The following RPS6KC1 variants were observed in gnomAD, a reference collection of about 807,000 sequenced individuals.
The protein encoded by RPS6KC1 is inactive ribosomal protein S6 kinase delta-1.
In RPS6KC1, 54 loss-of-function variants were observed where a neutral mutation model predicts 103.8. The ratio of observed to expected loss-of-function variants is 0.52; its 90% confidence interval spans 0.42 to 0.65. The LOEUF (loss-of-function observed/expected upper bound fraction) is 0.65. Ranked by LOEUF, RPS6KC1 falls within the 30% of genes least tolerant of loss-of-function variation. The probability of loss-of-function intolerance (pLI) is 0.00; values close to 1 mark genes in which losing one functional copy is unlikely to be tolerated. For missense variants in RPS6KC1, 1,151 were observed against 1,253.8 expected (o/e 0.92, Z 1.24); for synonymous variants, 439 against 438.7 (o/e 1.00, Z -0.01).
the RPS6KC1 span, among the ~76,000 whole-genome samples, chr1:213,760,935 G>A: frequency 8.1e-6 from 1 of 122,938 alleles, no homozygotes; most frequent in Admixed American, 8.8e-5. Flanking sequence ...CGCATTTGGG[G>A]GGAAAATGAA....
intron 5 of RPS6KC1, among the ~76,000 whole-genome samples, chr1:213,121,854 T>C (rs548717538): frequency 6.6e-6 from 1 of 152,174 alleles, no homozygotes; most frequent in African/African-American, 2.4e-5. Context: ...AATGATCAGC[T>C]TATTGTATGT....
At chr1:213,355,118 TGAGGCAGGA>T in the RPS6KC1 span, among the ~76,000 whole-genome samples, 55 of 152,056 alleles carry the variant, frequency 3.6e-4, 1 homozygote, top group Admixed American at 3.3e-3. Context: ...CTCAGGAGGC[TGAGGCAGGA>T]GAATCACTTG....
intron 8 of RPS6KC1, among the ~76,000 whole-genome samples, chr1:213,180,773 A>G (rs1014425925): frequency 3.3e-5 from 5 of 152,036 alleles, no homozygotes; most frequent in Non-Finnish European, 5.9e-5. Flanking sequence ...GTACGAATAT[A>G]CGGGATGTGC....
At position 213,088,409 on chromosome 1, in the gene RPS6KC1, G is replaced by A. The variant is rs1050620978; in HGVS notation, c.262+10593G>A. On this transcript the variant is annotated intron_variant, in intron 3 of 14. Coordinates refer to ENST00000366960, the MANE Select transcript of RPS6KC1 (RefSeq NM_012424.6). Reference sequence around the variant, plus strand: ...GATGGAGTCTTGCTCTGTTGCCCAGGCTGGAGTGCAGTGGTGTGATCATGG... The same window carrying A: ...GATGGAGTCTTGCTCTGTTGCCCAGACTGGAGTGCAGTGGTGTGATCATGG... 5.3e-5 allele frequency among the ~76,000 whole-genome samples: 8 copies of A among 151,976 alleles called. No individual in the cohort carries two copies. In the East Asian group the frequency reaches 1.5e-3, roughly 29 times the overall value.
At chr1:213,468,548 AATAGAG>A in the RPS6KC1 span, among the ~76,000 whole-genome samples, 3 of 152,166 alleles carry the variant, frequency 2.0e-5, no homozygotes, top group African/African-American at 7.2e-5. Context: ...GGTTTCCTGA[AATAGAG>A]AGAGAGACTT....
chr1:213,411,227 G>A, the RPS6KC1 span, among the ~76,000 whole-genome samples: 4 of 152,160 alleles, frequency 2.6e-5, no homozygotes, highest in African/African-American at 9.7e-5. Context: ...GATTTTAGAG[G>A]CTGAGGAAAG....
chr1:213,329,967 A>G, the RPS6KC1 span, among the ~76,000 whole-genome samples: 2 of 152,206 alleles, frequency 1.3e-5, no homozygotes, highest in African/African-American at 4.8e-5. Flanking sequence ...AGAAGGGTTC[A>G]AGAGGGAGGT....
At chr1:213,295,043 C>G in the RPS6KC1 span, among the ~76,000 whole-genome samples, 1 of 152,034 alleles carries the variant, frequency 6.6e-6, no homozygotes, top group Admixed American at 6.6e-5. Context: ...CAAAAGCACT[C>G]CATATCTAGT....
chr1:213,827,154 C>T, the RPS6KC1 span, among the ~76,000 whole-genome samples: 10 of 152,218 alleles, frequency 6.6e-5, no homozygotes, highest in Middle Eastern at 3.4e-3. Context: ...TGCAGAGAGC[C>T]GGGCATAGTT....
intron 6 of RPS6KC1, among the ~76,000 whole-genome samples, chr1:213,158,843 T>G (rs2090182706): frequency 6.6e-6 from 1 of 152,150 alleles, no homozygotes; most frequent in South Asian, 2.1e-4. Flanking sequence ...TTGTAGTTCT[T>G]CCTTAATCTT....
the RPS6KC1 span, among the ~76,000 whole-genome samples, chr1:213,532,373 G>A: frequency 6.6e-5 from 10 of 152,198 alleles, no homozygotes; most frequent in East Asian, 1.9e-4. Context: ...GGTTTAGCCC[G>A]CACCCAGCTG....
intron 5 of RPS6KC1, among the ~76,000 whole-genome samples, chr1:213,127,270 C>G (rs573482786): frequency 1.3e-5 from 2 of 152,280 alleles, no homozygotes; most frequent in East Asian, 1.9e-4. Flanking sequence ...GTAGGTGAAA[C>G]TGCTGTGCTT....
intron 10 of RPS6KC1, among the ~76,000 whole-genome samples, chr1:213,232,813 A>G (rs2094135757): frequency 6.6e-6 from 1 of 152,144 alleles, no homozygotes; most frequent in Admixed American, 6.5e-5. Flanking sequence ...AGCTCTTTGT[A>G]GAGGGAACAG....
chr1:213,583,406 T>C, the RPS6KC1 span, among the ~76,000 whole-genome samples: 1 of 152,178 alleles, frequency 6.6e-6, no homozygotes, highest in Admixed American at 6.5e-5. Context: ...CAGAGCTTGG[T>C]TCTGAGCTCT....
the RPS6KC1 span, among the ~76,000 whole-genome samples, chr1:213,857,301 T>G: frequency 5.3e-5 from 8 of 152,150 alleles, no homozygotes; most frequent in Admixed American, 4.6e-4. Context: ...AATTTCAGAC[T>G]CCTCATGAAA....
At chr1:213,693,926 C>T in the RPS6KC1 span, among the ~76,000 whole-genome samples, 3 of 152,202 alleles carry the variant, frequency 2.0e-5, no homozygotes, top group Non-Finnish European at 2.9e-5. Context: ...CAATTCCTGC[C>T]CCCGATCTGG....
chr1:213,494,859 C>G, the RPS6KC1 span, among the ~76,000 whole-genome samples: 1 of 150,884 alleles, frequency 6.6e-6, no homozygotes, highest in African/African-American at 2.4e-5. Context: ...ATAAGAGAGA[C>G]ACATAGACAT....
At chr1:213,602,086 T>TTCTTTCTTTCTTTCTTTCTTTC in the RPS6KC1 span, among the ~76,000 whole-genome samples, 1 of 38,342 alleles carries the variant, frequency 2.6e-5, no homozygotes, top group African/African-American at 1.5e-4. Context: ...TTCTCTTTCT[T>TTCTTTCTTTCTTTCTTTCTTTC]TCTTTCTTTC....
the RPS6KC1 span, among the ~76,000 whole-genome samples, chr1:213,760,077 G>A: frequency 6.6e-6 from 1 of 152,184 alleles, no homozygotes; most frequent in Non-Finnish European, 1.5e-5. Flanking sequence ...AGTCGGTGGG[G>A]CCGCCAGGCA....
Sources: gnomAD v4.1 joint callset for allele counts (sites outside exome capture counted in the v4.1 genomes callset) on GRCh38, gnomAD v4.1.1 for gene constraint, MANE v1.5 for transcripts, NCBI Gene and HGNC (gene_info 2026-07-23, HGNC 2026-07-21) for gene names.